The following MARCHF10 variants were observed in gnomAD, a reference collection of about 807,000 sequenced individuals.
MARCHF10 encodes membrane associated ring-CH-type finger 10.
MARCHF10 carries 64 observed loss-of-function variants against 76.2 expected under a neutral mutation model. The ratio of observed to expected loss-of-function variants is 0.84; its 90% confidence interval spans 0.69 to 1.03. MARCHF10 has a LOEUF of 1.03. Among genes scored for constraint, MARCHF10 ranks in the 50% least tolerant of loss-of-function variants. The probability of loss-of-function intolerance (pLI) is 0.00; values close to 1 mark genes in which losing one functional copy is unlikely to be tolerated. For missense variants in MARCHF10, 875 were observed against 958.0 expected (o/e 0.91, Z 1.14); for synonymous variants, 340 against 357.5 (o/e 0.95, Z 0.55).
At chr17:62,704,848 G>A (rs1473849241) in intron 10 of MARCHF10, 4 of 816,360 alleles carry the variant, frequency 4.9e-6, no homozygotes, top group East Asian at 2.5e-4. Flanking sequence ...GTCACACACC[G>A]CTGGATTCAC....
At chr17:62,723,558 A>AATTTTTTTTTTTTTTTTTTTTTTT in intron 7 of MARCHF10, among the ~76,000 whole-genome samples, 1 of 62,382 alleles carries the variant, frequency 1.6e-5, no homozygotes. Flanking sequence ...TGTTCGCTTG[A>AATTTTTTTTTTTTTTTTTTTTTTT]CTTTTTTTTT....
At chr17:62,778,945 G>A (rs1470769525) in intron 3 of MARCHF10, among the ~76,000 whole-genome samples, 1 of 152,202 alleles carries the variant, frequency 6.6e-6, no homozygotes, top group Non-Finnish European at 1.5e-5. Context: ...AGCCTGAGGG[G>A]CTTGTGGGAC....
chr17:62,773,072 G>T (rs1192070578), intron 3 of MARCHF10, among the ~76,000 whole-genome samples: 1 of 152,188 alleles, frequency 6.6e-6, no homozygotes, highest in Non-Finnish European at 1.5e-5. Context: ...TGCGGCCAAA[G>T]AGGTTTGCGG....
intron 6 of MARCHF10, among the ~76,000 whole-genome samples, chr17:62,733,209 A>G (rs1412880484): frequency 6.6e-6 from 1 of 152,090 alleles, no homozygotes; most frequent in African/African-American, 2.4e-5. Context: ...TTGTAATCGC[A>G]GCATTTTGGG....
chr17:62,791,440 A>G (rs751677004), intron 2 of MARCHF10, among the ~76,000 whole-genome samples: 2 of 152,214 alleles, frequency 1.3e-5, no homozygotes, highest in Non-Finnish European at 2.9e-5. Flanking sequence ...TTGTGGGCTG[A>G]GTGTTTTTTG....
chr17:62,710,848 A>C (rs1170810964), intron 9 of MARCHF10, among the ~76,000 whole-genome samples: 1 of 152,128 alleles, frequency 6.6e-6, no homozygotes, highest in African/African-American at 2.4e-5. Flanking sequence ...GGCATGAGCC[A>C]TCACACCCAG....
intron 3 of MARCHF10, among the ~76,000 whole-genome samples, chr17:62,773,967 G>C (rs2092497214): frequency 6.6e-6 from 1 of 152,222 alleles, no homozygotes; most frequent in Non-Finnish European, 1.5e-5. Flanking sequence ...AGGTGTAAAA[G>C]AAGACAAAAG....
chr17:62,720,819 T>C (rs889116177), intron 8 of MARCHF10, among the ~76,000 whole-genome samples: 1 of 151,846 alleles, frequency 6.6e-6, no homozygotes, highest in South Asian at 2.1e-4. Flanking sequence ...CTGGTTTCCA[T>C]AGAGCTTTCT....
intron 4 of MARCHF10, among the ~76,000 whole-genome samples, 185 bp from the exon 5 acceptor site, chr17:62,744,713 C>T (rs769000066): frequency 7.2e-5 from 11 of 152,226 alleles, no homozygotes; most frequent in Middle Eastern, 6.8e-3. Context: ...ACCATGTGAG[C>T]TTGGGAAAAT....
At chr17:62,730,400 G>A (rs2090972680) in intron 6 of MARCHF10, among the ~76,000 whole-genome samples, 2 of 152,168 alleles carry the variant, frequency 1.3e-5, no homozygotes, top group African/African-American at 4.8e-5. Flanking sequence ...TTTTTAAAAA[G>A]ACCTTAGAAC....
intron 4 of MARCHF10, among the ~76,000 whole-genome samples, chr17:62,746,659 A>G (rs1325318950): frequency 1.3e-5 from 2 of 152,170 alleles, no homozygotes; most frequent in Non-Finnish European, 2.9e-5. Flanking sequence ...GAGAAGAGGA[A>G]GAAACAGAAG....
In MARCHF10 at chr17:62,736,942, C is replaced by G. The variant is rs200034579; in HGVS notation, c.926G>C (p.Cys309Ser). 18 of 1,614,152 alleles carry G rather than the reference C, an allele frequency of 1.1e-5. No homozygotes were observed. In the African/African-American group the frequency reaches 1.3e-4, roughly 12 times the overall value. ...ECLWVGVRSP[C>S]SPSHHKRSRF... ...ACTTCTTTTGTGATGGGAAGGAGAA[C>G]AGGGTGAGCGCACACCAACCCACAG... The change falls in exon 6 of 11, where the codon TGT becomes TCT. Residue 309 changes from cysteine to serine, a missense_variant. By Grantham distance (112) the Cys-to-Ser change is moderately radical (BLOSUM62 -1). Transcript: ENST00000311269.
At chr17:62,790,786 T>C (rs1235368315) in intron 2 of MARCHF10, among the ~76,000 whole-genome samples, 1 of 152,210 alleles carries the variant, frequency 6.6e-6, no homozygotes, top group Non-Finnish European at 1.5e-5. Flanking sequence ...AATGACCCGA[T>C]ACTAACAAAA....
intron 8 of MARCHF10, among the ~76,000 whole-genome samples, chr17:62,718,858 C>G (rs1202681065): frequency 6.6e-6 from 1 of 152,138 alleles, no homozygotes; most frequent in African/African-American, 2.4e-5. Context: ...CCTTCTCTTC[C>G]TCTCTTCTTT....
Position 62,757,132 on chromosome 17 carries a change from A to AT in MARCHF10, c.382+2702dup, listed in dbSNP as rs912781718. On this transcript the variant is annotated intron_variant, in intron 4 of 10. Transcript: ENST00000311269. ...GTCGAGCCATGTTCCCCAGCTATAT[A>AT]TTTTTTTTTCAGTAAAAGTCTGGTA... Among the ~76,000 whole-genome samples, 623 of 151,452 alleles carry AT rather than the reference A, an allele frequency of 4.1e-3. 6 individuals are homozygous for AT. Among genetic ancestry groups the AT allele is most frequent in the African/African-American group, 0.013 (545 of 41,282 alleles).
intron 4 of MARCHF10, among the ~76,000 whole-genome samples, chr17:62,750,762 G>A (rs1462294308): frequency 6.6e-6 from 1 of 152,228 alleles, no homozygotes; most frequent in Admixed American, 6.5e-5. Flanking sequence ...ACAGTCTCCA[G>A]CGTCCCTGAC....
chr17:62,767,326 TTTTC>T (rs1197506592), intron 3 of MARCHF10, among the ~76,000 whole-genome samples: 5 of 152,230 alleles, frequency 3.3e-5, no homozygotes, highest in Admixed American at 6.5e-5. Context: ...AGCATAATTC[TTTTC>T]TTTATTACAA....
At chr17:62,760,103 C>T (rs2092158112) in intron 3 of MARCHF10, 97 bp from the exon 4 acceptor site, 1 of 992,616 alleles carries the variant, frequency 1.0e-6, no homozygotes, top group Non-Finnish European at 1.5e-6. Flanking sequence ...TGACCCTCTC[C>T]AGCAATAATC....
chr17:62,771,220 A>C (rs2092439810), intron 3 of MARCHF10, among the ~76,000 whole-genome samples: 2 of 152,240 alleles, frequency 1.3e-5, no homozygotes, highest in Non-Finnish European at 2.9e-5. Flanking sequence ...AGGAAATATG[A>C]ACACCCATAA....
Sources: allele counts gnomAD v4.1 joint callset (sites outside exome capture counted in the v4.1 genomes callset), GRCh38; gene constraint gnomAD v4.1.1; transcripts MANE v1.5; gene names NCBI Gene and HGNC (gene_info 2026-07-23, HGNC 2026-07-21).